The following EPHA1 variants were observed in gnomAD, a reference collection of about 807,000 sequenced individuals.
EPHA1 encodes the protein EPH receptor A1.
EPHA1 carries 92 observed loss-of-function variants against 110.1 expected under a neutral mutation model. That is an observed-to-expected ratio of 0.84 (90% CI 0.71 to 0.99). The LOEUF (loss-of-function observed/expected upper bound fraction) is 0.99, where lower values mean the gene tolerates loss of function less well. EPHA1 is among the 50% of genes least tolerant of loss of function. EPHA1 has a pLI of 0.00. For synonymous variants in EPHA1, 500 were observed against 516.1 expected (o/e 0.97, Z 0.42); for missense variants, 1,204 against 1,285.4 (o/e 0.94, Z 0.97).
Position 143,394,892 on chromosome 7 carries a change from C to G in EPHA1, c.2268G>C (p.Leu756Phe). The change falls in exon 14 of 18, where the codon TTG (leucine) becomes TTC (phenylalanine). Residue 756 changes from leucine (L) to phenylalanine (F), a missense_variant. Leu to Phe is a conservative substitution (Grantham distance 22, BLOSUM62 0). Coordinates refer to ENST00000275815, the MANE Select transcript of EPHA1 (RefSeq NM_005232.5). ...CCTTGCAGCACAGGTTTTGATTCAC[C>G]AAGATGTTTCTGGCAGCCAGGTCCC... is the stretch of plus-strand genomic sequence containing the variant. The part of the protein sequence containing the change: ...VHRDLAARNI[L>F]VNQNLCCKVS... 1.2e-6 allele frequency: 2 copies of G among 1,614,124 alleles called. No homozygotes were observed. Among genetic ancestry groups the G allele is most frequent in the Non-Finnish European group, 1.7e-6 (2 of 1,180,034 alleles).
At chr7:143,394,012 T>C (rs541291923) in intron 15 of EPHA1, 148 bp from the exon 16 acceptor site, 2 of 1,228,516 alleles carry the variant, frequency 1.6e-6, no homozygotes, top group South Asian at 3.1e-5. Flanking sequence ...AGTGGGAGGA[T>C]CAGGGTGGGA....
In EPHA1 at chr7:143,407,570, T is replaced by C. The variant is rs374963096; in HGVS notation, c.150+41A>G. The stretch of plus-strand genomic sequence containing the variant: ...CTCTCCACCCCATTTCCCACTGGCC[T>C]TCAGGAGTTTTCCAAGATCCTTCCC... On this transcript the variant is annotated intron_variant, in intron 2 of 17. Transcript: ENST00000275815. 2.2e-5 allele frequency: 36 copies of C among 1,602,134 alleles called. No individual in the cohort carries two copies. The African/African-American group carries it at 3.6e-4, about 16-fold the overall frequency.
Position 143,391,543 on chromosome 7 carries a change from C to T in EPHA1, c.2853-8G>A, listed in dbSNP as rs759280670. 10 of 1,614,158 alleles carry T rather than the reference C, an allele frequency of 6.2e-6. No individual in the cohort carries two copies. The South Asian group carries it at 9.9e-5, about 16-fold the overall frequency. ...CCCATCTGCGTCAGGTCCCTGTGGGCAAGGAAGGGTGGGGGCATGAGTCCG... is the reference window on the plus strand; with the variant it reads ...CCCATCTGCGTCAGGTCCCTGTGGGTAAGGAAGGGTGGGGGCATGAGTCCG... On this transcript the variant is annotated splice_polypyrimidine_tract_variant and splice_region_variant and intron_variant, in intron 17 of 17. Coordinates refer to ENST00000275815, the MANE Select transcript of EPHA1 (RefSeq NM_005232.5).
In EPHA1 at chr7:143,399,698, T is replaced by C. The variant is rs1805362436; in HGVS notation, c.788A>G (p.His263Arg). The change falls in exon 4 of 18, where the codon CAC becomes CGC. Residue 263 changes from histidine to arginine, a missense_variant. Transcript: ENST00000275815. ...GEWLVPVGRC[H>R]CEPGYEEGGS... Reference sequence around the variant, plus strand: ...ACCTTCCTCATAGCCAGGCTCACAGTGGCACCGTCCTACAGGCACCAGCCA... The same window carrying C: ...ACCTTCCTCATAGCCAGGCTCACAGCGGCACCGTCCTACAGGCACCAGCCA... 5.0e-6 allele frequency: 8 copies of C among 1,613,702 alleles called. No individual in the cohort carries two copies. Among genetic ancestry groups the C allele is most frequent in the Non-Finnish European group, 5.9e-6 (7 of 1,179,994 alleles).
Position 143,395,507 on chromosome 7 carries a change from G to C in EPHA1, c.1898-3C>G, listed in dbSNP as rs548467625. The C allele has an allele frequency of 2.5e-6, 4 of 1,613,470 alleles. No homozygotes were observed. The South Asian group carries it at 4.4e-5, about 18-fold the overall frequency. ...TCGATACACTTCCCCAAACTCTCCTGGGTAGAAAGAAAACAGGCTGTGGCC... is the reference window on the plus strand; with the variant it reads ...TCGATACACTTCCCCAAACTCTCCTCGGTAGAAAGAAAACAGGCTGTGGCC... On this transcript the variant is annotated splice_polypyrimidine_tract_variant and splice_region_variant and intron_variant, in intron 11 of 17. Transcript: ENST00000275815. The surrounding 1 kb of genome is among the most constrained non-coding windows in gnomAD (Gnocchi z 4.7).
Position 143,401,528 on chromosome 7 carries a change from GTC to G in EPHA1, c.226_227del (p.Asp76HisfsTer2), listed in dbSNP as rs1463972760. The G allele has an allele frequency of 1.2e-6, 2 of 1,614,042 alleles. No homozygotes were observed. The highest frequency in any genetic ancestry group is 1.3e-5 in the African/African-American group (1 of 74,942). ...YQDCPMQGRR[D>X]TDHWLRSNWI... ...AATTGGAGCGAAGCCAGTGGTCAGT[GTC>G]TCTGCGTCCTTGCATTGGGCAGTCC... On this transcript the variant is annotated frameshift_variant, in exon 3 of 18. Transcript: ENST00000275815. LOFTEE classifies it high-confidence loss of function. The surrounding 1 kb of genome is among the most constrained non-coding windows in gnomAD (Gnocchi z 4.1).
chr7:143,399,886 G>A lies in EPHA1; in HGVS notation c.600C>T (p.Phe200=). 1 of 1,609,130 alleles carries A rather than the reference G, an allele frequency of 6.2e-7. No homozygotes were observed. Among genetic ancestry groups the A allele is most frequent in the South Asian group, 1.1e-5 (1 of 90,286 alleles). The part of the protein sequence containing the change: ...ACVALVSVRV[F]YQRCPETLNG... ...TCAGGGTCTCAGGACAGCGCTGGTAGAAGACCCGGACAGACACCAGGGCCA... is the reference window on the plus strand; with the variant it reads ...TCAGGGTCTCAGGACAGCGCTGGTAAAAGACCCGGACAGACACCAGGGCCA... The change falls in exon 4 of 18, where the codon TTC becomes TTT. Residue 200 remains phenylalanine, a synonymous_variant. Coordinates refer to ENST00000275815, the MANE Select transcript of EPHA1 (RefSeq NM_005232.5).
intron 6 of EPHA1, 57 bp from the exon 7 acceptor site, chr7:143,398,505 A>G: frequency 1.9e-6 from 3 of 1,611,300 alleles, no homozygotes; most frequent in Non-Finnish European, 2.5e-6. Flanking sequence ...TAACCTTAGT[A>G]ACTTTTCTAT....
intron 14 of EPHA1, 37 bp downstream of exon 14, chr7:143,394,771 A>G: frequency 6.2e-7 from 1 of 1,610,266 alleles, no homozygotes; most frequent in Middle Eastern, 1.7e-4. Context: ...GTTACGGGGC[A>G]ATGTGAATGT....
At position 143,391,196 on chromosome 7, in the gene EPHA1, AAT is replaced by A; in HGVS notation, c.*259_*260del. 1 of 447,186 alleles carries A rather than the reference AAT, an allele frequency of 2.2e-6. No individual in the cohort carries two copies. Among genetic ancestry groups the A allele is most frequent in the Non-Finnish European group, 4.0e-6 (1 of 251,882 alleles). 27.7% of individuals were successfully genotyped at this position (447,186 alleles called of 1,614,324 possible). On this transcript the variant is annotated 3_prime_UTR_variant, in exon 18 of 18. Coordinates refer to ENST00000275815, the MANE Select transcript of EPHA1 (RefSeq NM_005232.5). ...AAATCAGTTCCTGTTTATTTACAAA[AAT>A]ATATATATGTGTATGTATGTATATA...
At position 143,403,076 on chromosome 7, in the gene EPHA1, G is replaced by C. The variant is rs757353200; in HGVS notation, c.151-1471C>G. On this transcript the variant is annotated intron_variant, in intron 2 of 17. Coordinates refer to ENST00000275815, the MANE Select transcript of EPHA1 (RefSeq NM_005232.5). ...TACTTTCTGTTTTCACAAATAATAA[G>C]TATTTGAGGGCCGGGAGTGGTGGCT... is the stretch of plus-strand genomic sequence containing the variant. Among the ~76,000 whole-genome samples, 17 of 152,156 alleles carry C rather than the reference G, an allele frequency of 1.1e-4. 1 individual carries two copies. The highest frequency in any genetic ancestry group is 7.9e-4 in the Admixed American group (12 of 15,278).
At chr7:143,392,410 T>G (rs1340540427) in intron 16 of EPHA1, among the ~76,000 whole-genome samples, 1 of 152,148 alleles carries the variant, frequency 6.6e-6, no homozygotes, top group African/African-American at 2.4e-5. Context: ...AAAGATAGTT[T>G]CAAAAGTTGG....
At position 143,393,565 on chromosome 7, in the gene EPHA1, G is replaced by A; in HGVS notation, c.2696+106C>T. On this transcript the variant is annotated intron_variant, in intron 16 of 17. Transcript: ENST00000275815. The surrounding 1 kb of genome is among the most constrained non-coding windows in gnomAD (Gnocchi z 5.6). ...CGTCTTGCCTCATACACTGGACTTG[G>A]TCCAGAGCTCCCCAGGCCCAGCGCT... 2.3e-6 allele frequency: 3 copies of A among 1,327,386 alleles called. No individual in the cohort carries two copies. The highest frequency in any genetic ancestry group is 3.1e-6 in the Non-Finnish European group (3 of 968,722). 82.2% of individuals were successfully genotyped at this position (1,327,386 alleles called of 1,614,324 possible).
At chr7:143,404,568 G>A (rs1240248075) in intron 2 of EPHA1, among the ~76,000 whole-genome samples, 7 of 152,092 alleles carry the variant, frequency 4.6e-5, no homozygotes, top group Non-Finnish European at 8.8e-5. Context: ...ATATCTAACC[G>A]TCAGTTTATT....
chr7:143,407,188 C>T (rs1407792798), intron 2 of EPHA1, among the ~76,000 whole-genome samples: 1 of 152,106 alleles, frequency 6.6e-6, no homozygotes, highest in East Asian at 1.9e-4. Context: ...TTCCCCACCC[C>T]CTGAAACCTA....
At chr7:143,403,672 A>G (rs1239925951) in intron 2 of EPHA1, among the ~76,000 whole-genome samples, 4 of 152,214 alleles carry the variant, frequency 2.6e-5, no homozygotes, top group Non-Finnish European at 5.9e-5. Context: ...TCCACCAGCA[A>G]CACAAGAGGG....
Position 143,393,194 on chromosome 7 carries a change from A to G in EPHA1, c.2696+477T>C, listed in dbSNP as rs1256652206. Among the ~76,000 whole-genome samples the G allele has an allele frequency of 1.3e-5, 2 of 152,074 alleles. No homozygotes were observed. The highest frequency in any genetic ancestry group is 2.9e-5 in the Non-Finnish European group (2 of 68,002). ...TACCCCACCCCAGCCTGGCTGCCCA[A>G]GCTCCCTGGAGCTTGGGTAATAAGT... is the stretch of plus-strand genomic sequence containing the variant. On this transcript the variant is annotated intron_variant, in intron 16 of 17. Coordinates refer to ENST00000275815, the MANE Select transcript of EPHA1 (RefSeq NM_005232.5). The surrounding 1 kb of genome is among the most constrained non-coding windows in gnomAD (Gnocchi z 5.6).
At chr7:143,407,722 G>C in intron 1 of EPHA1, 44 bp from the exon 2 acceptor site, 1 of 1,573,126 alleles carries the variant, frequency 6.4e-7, no homozygotes, top group Non-Finnish European at 8.7e-7. Context: ...TGGGGGAGGA[G>C]GTGCCCCTGC....
intron 4 of EPHA1, 75 bp downstream of exon 4, chr7:143,399,576 G>GGCCTCC: frequency 6.3e-7 from 1 of 1,590,562 alleles, no homozygotes. Flanking sequence ...GCGGAGCACT[G>GGCCTCC]GCCTCCTTCT....
Sources: gnomAD v4.1 joint callset for allele counts (sites outside exome capture counted in the v4.1 genomes callset) on GRCh38, gnomAD v4.1.1 for gene constraint, Gnocchi (gnomAD v3.1) non-coding constraint, MANE v1.5 for transcripts, NCBI Gene and HGNC (gene_info 2026-07-23, HGNC 2026-07-21) for gene names.